Variants in APP observed in about 807,000 individuals in gnomAD.
The protein encoded by APP is amyloid-beta precursor protein.
A neutral mutation model predicts 101.4 loss-of-function variants in APP; 31 were observed. That is an observed-to-expected ratio of 0.31 (90% CI 0.23 to 0.41). The LOEUF is 0.41. Among genes scored for constraint, APP ranks in the 10% least tolerant of loss-of-function variants. The pLI is 1.00. For missense variants in APP, 839 were observed against 1,003.7 expected (o/e 0.84, Z 2.22); for synonymous variants, 366 against 364.4 (o/e 1.00, Z -0.05).
chr21:25,884,596 G>A (rs1312569827), intron 17 of APP, among the ~76,000 whole-genome samples: 1 of 152,118 alleles, frequency 6.6e-6, no homozygotes, highest in African/African-American at 2.4e-5. Flanking sequence ...AAATCTGTGT[G>A]CCAGGAGACA....
intron 2 of APP, among the ~76,000 whole-genome samples, chr21:26,107,936 C>T (rs547702896): frequency 1.3e-5 from 2 of 152,330 alleles, no homozygotes; most frequent in East Asian, 3.9e-4. Flanking sequence ...ATATAATCAT[C>T]TTACATCCAA....
At chr21:25,883,384 CAG>C (rs1216060872) in intron 17 of APP, among the ~76,000 whole-genome samples, 1 of 151,744 alleles carries the variant, frequency 6.6e-6, no homozygotes, top group Admixed American at 6.6e-5. Context: ...GCCTGGGAGA[CAG>C]AGTGAGACTC....
intron 2 of APP, among the ~76,000 whole-genome samples, chr21:26,104,422 GAA>G (rs1043010158): frequency 1.1e-4 from 17 of 152,184 alleles, no homozygotes; most frequent in Non-Finnish European, 2.5e-4. Flanking sequence ...TTACGATTGG[GAA>G]AGAGGAAAGA....
rs1031961200 is a variant in APP, at chr21:25,881,483, C to T, written c.*187G>A. The T allele has an allele frequency of 2.4e-5, 16 of 676,336 alleles. No homozygotes were observed. The highest frequency in any genetic ancestry group is 1.1e-4 in the African/African-American group (6 of 56,244). 41.9% of individuals were successfully genotyped at this position (676,336 alleles called of 1,614,324 possible). A position where few individuals can be genotyped will look rare whatever the true frequency, so the allele number is the denominator to read the frequency against. On this transcript the variant is annotated 3_prime_UTR_variant, in exon 18 of 18. Coordinates refer to ENST00000346798, the MANE Select transcript of APP (RefSeq NM_000484.4). ...CCAAAATGTAAAGAGAGATAGAATA[C>T]ATTACTGATGTGTGGATTAATTCAA...
At chr21:25,888,243 G>T (rs1310504442) in intron 17 of APP, among the ~76,000 whole-genome samples, 1 of 152,194 alleles carries the variant, frequency 6.6e-6, no homozygotes, top group Non-Finnish European at 1.5e-5. Flanking sequence ...GAGAGTGCCT[G>T]TTAAGGTAGG....
intron 13 of APP, among the ~76,000 whole-genome samples, chr21:25,950,380 T>G (rs1195111271): frequency 3.4e-5 from 5 of 147,314 alleles, no homozygotes; most frequent in African/African-American, 7.9e-5. Context: ...TTTTTTTTTT[T>G]CTTTTTTTTT....
At position 26,150,249 on chromosome 21, in the gene APP, A is replaced by C. The variant is rs1305992470; in HGVS notation, c.57+20315T>G. Among the ~76,000 whole-genome samples the C allele has an allele frequency of 2.6e-5, 4 of 152,086 alleles. No homozygotes were observed. The East Asian group carries it at 7.7e-4, about 29-fold the overall frequency. On this transcript the variant is annotated intron_variant, in intron 1 of 17. Coordinates refer to ENST00000346798, the MANE Select transcript of APP (RefSeq NM_000484.4). ...TAGGGCTTCCAGGGGAAGTGTGGTAAGGTAAATATATGGGGGAAACTAATA... is the reference window on the plus strand; with the variant it reads ...TAGGGCTTCCAGGGGAAGTGTGGTACGGTAAATATATGGGGGAAACTAATA...
intron 13 of APP, among the ~76,000 whole-genome samples, chr21:25,923,071 C>T (rs1050253696): frequency 4.4e-5 from 6 of 137,148 alleles, no homozygotes; most frequent in East Asian, 4.5e-4. Flanking sequence ...TCAGAAATAA[C>T]GCCGCATACC....
Position 26,053,366 on chromosome 21 carries a change from C to A in APP, c.356-18G>T. 1 of 1,488,644 alleles carries A rather than the reference C, an allele frequency of 6.7e-7. No homozygotes were observed. The highest frequency in any genetic ancestry group is 1.1e-5 in the South Asian group (1 of 88,446). The allele number at this position is 1,488,644 out of a possible 1,614,324, so 92.2% of individuals were successfully genotyped here. A position where few individuals can be genotyped will look rare whatever the true frequency, so the allele number is the denominator to read the frequency against. On this transcript the variant is annotated intron_variant, in intron 3 of 17. Transcript: ENST00000346798. ...CTCACCAACTGAAAGAAAGGAAAAC[C>A]ACTTCCCGTCATTCCATCTGTATCA...
At chr21:25,917,563 C>T (rs2039414481) in intron 13 of APP, among the ~76,000 whole-genome samples, 1 of 152,162 alleles carries the variant, frequency 6.6e-6, no homozygotes, top group South Asian at 2.1e-4. Flanking sequence ...ATTTAACGGT[C>T]ACATCTTACG....
chr21:26,116,620 G>A (rs1035498671), intron 1 of APP, among the ~76,000 whole-genome samples: 9 of 152,114 alleles, frequency 5.9e-5, no homozygotes, highest in African/African-American at 1.9e-4. Context: ...CTCCCCAACA[G>A]GGTCTCAACT....
At chr21:25,886,766 G>A (rs976025156) in intron 17 of APP, among the ~76,000 whole-genome samples, 1 of 145,116 alleles carries the variant, frequency 6.9e-6, no homozygotes, top group Admixed American at 6.8e-5. Context: ...GCCACTCCTA[G>A]GTTCTGCACC....
intron 11 of APP, among the ~76,000 whole-genome samples, chr21:25,965,234 G>A (rs566196143): frequency 6.6e-6 from 1 of 152,342 alleles, no homozygotes; most frequent in South Asian, 2.1e-4. Flanking sequence ...AGAAGGCAAA[G>A]CGCACAGTGT....
intron 5 of APP, among the ~76,000 whole-genome samples, chr21:26,044,976 T>G: frequency 6.6e-6 from 1 of 152,256 alleles, no homozygotes; most frequent in East Asian, 1.9e-4. Flanking sequence ...ACAGTATTCC[T>G]TGCCATTTTA....
At chr21:26,153,687 T>C (rs2146351000) in intron 1 of APP, among the ~76,000 whole-genome samples, 1 of 152,332 alleles carries the variant, frequency 6.6e-6, no homozygotes, top group South Asian at 2.1e-4. Context: ...ACTGGCAAAC[T>C]TCAATCGTTT....
intron 5 of APP, among the ~76,000 whole-genome samples, chr21:26,029,532 G>A (rs549327593): frequency 5.9e-5 from 9 of 152,230 alleles, no homozygotes; most frequent in East Asian, 3.9e-4. Context: ...AAGAAGGTCC[G>A]AAGTGAATGA....
At chr21:26,098,343 T>C (rs181152314) in intron 2 of APP, among the ~76,000 whole-genome samples, 8 of 152,090 alleles carry the variant, frequency 5.3e-5, no homozygotes, top group Non-Finnish European at 1.0e-4. Flanking sequence ...CTCTCCAAGT[T>C]GGAAATATAT....
chr21:26,087,647 G>T (rs183040919), intron 3 of APP, among the ~76,000 whole-genome samples: 68 of 152,298 alleles, frequency 4.5e-4, no homozygotes, highest in African/African-American at 1.6e-3. Context: ...ATTTCTCCTT[G>T]CCAGTCTCCA....
At position 25,914,823 on chromosome 21, in the gene APP, G is replaced by A. The variant is rs577560986; in HGVS notation, c.1688-2861C>T. On this transcript the variant is annotated intron_variant, in intron 13 of 17. Coordinates refer to ENST00000346798, the MANE Select transcript of APP (RefSeq NM_000484.4). ...CCGCCTCGGCTTCCCAAAGTGCTGG[G>A]ATTACAGGCGTGAGCCACTGCACCC... 3.9e-5 allele frequency among the ~76,000 whole-genome samples: 6 copies of A among 152,300 alleles called. No individual in the cohort carries two copies. In the South Asian group the frequency reaches 6.2e-4, roughly 16 times the overall value.
Sources: allele counts gnomAD v4.1 joint callset (sites outside exome capture counted in the v4.1 genomes callset), GRCh38; gene constraint gnomAD v4.1.1; transcripts MANE v1.5; gene names NCBI Gene and HGNC (gene_info 2026-07-23, HGNC 2026-07-21).